ACLY: variants seen among roughly 807,000 people sequenced by gnomAD.
ACLY encodes the protein ATP-citrate synthase.
Under a neutral mutation model 133.0 loss-of-function variants are expected in ACLY, and 41 were observed. The observed-to-expected ratio is 0.31, with a 90% CI of 0.24 to 0.40. The LOEUF is 0.40. ACLY is among the 10% of genes least tolerant of loss of function. The pLI, the probability that ACLY is intolerant of heterozygous loss-of-function variation, is 1.00. For missense variants in ACLY, 1,046 were observed against 1,453.8 expected (o/e 0.72, Z 4.56); for synonymous variants, 495 against 549.3 (o/e 0.90, Z 1.38).
At chr17:41,909,197 T>C in intron 5 of ACLY, 129 bp from the exon 6 acceptor site, 1 of 745,212 alleles carries the variant, frequency 1.3e-6, no homozygotes, top group Non-Finnish European at 2.3e-6. Flanking sequence ...CACTGGCCCT[T>C]CCATCTCCTC....
rs782692566 is a variant in ACLY, at chr17:41,867,796, G to C, written c.*14C>G. On this transcript the variant is annotated 3_prime_UTR_variant, in exon 29 of 29. Transcript: ENST00000352035. ...TCTTGTCTTCAGTTTACTGCAGTAG[G>C]GTTCCTGGCTCTGTTACATGCTCAT... 1 of 1,596,462 alleles carries C rather than the reference G, an allele frequency of 6.3e-7. No homozygotes were observed. The highest frequency in any genetic ancestry group is 8.6e-7 in the Non-Finnish European group (1 of 1,169,486).
chr17:41,884,672 G>A (rs1291588298), intron 18 of ACLY, among the ~76,000 whole-genome samples: 3 of 152,118 alleles, frequency 2.0e-5, no homozygotes, highest in African/African-American at 7.2e-5. Flanking sequence ...ATCACCTGAG[G>A]TCAGGAGTTC....
intron 23 of ACLY, among the ~76,000 whole-genome samples, chr17:41,872,814 C>T (rs2144207519): frequency 6.6e-6 from 1 of 152,252 alleles, no homozygotes; most frequent in Admixed American, 6.5e-5. Flanking sequence ...TGCCTCATTC[C>T]TGTAGTATTC....
chr17:41,900,955 C>T (rs1555631491), intron 11 of ACLY, among the ~76,000 whole-genome samples: 2 of 151,586 alleles, frequency 1.3e-5, no homozygotes, highest in African/African-American at 4.9e-5. Context: ...GTTTTCTTTT[C>T]TTTCTTCTTT....
chr17:41,914,662 AT>A (rs1364395447), intron 1 of ACLY, among the ~76,000 whole-genome samples: 2 of 152,196 alleles, frequency 1.3e-5, no homozygotes, highest in East Asian at 3.8e-4. Flanking sequence ...CCAGCTGCTA[AT>A]TTAGAGCAAA....
intron 1 of ACLY, among the ~76,000 whole-genome samples, chr17:41,916,507 G>C (rs982826859): frequency 1.3e-5 from 2 of 150,832 alleles, no homozygotes; most frequent in Non-Finnish European, 2.9e-5. Flanking sequence ...CTGAGTAGCT[G>C]GGATTACAGA....
chr17:41,873,803 A>C lies in ACLY; in HGVS notation c.2642+8T>G, dbSNP rs967928056. ...AGGGCCCTGTAATCTTCTGCCCTCC[A>C]TGCTCACCTTTTCTGGAACCAGAGG... is the stretch of plus-strand genomic sequence containing the variant. On this transcript the variant is annotated splice_region_variant and intron_variant, in intron 23 of 28. Transcript: ENST00000352035. 4 of 1,553,500 alleles carry C rather than the reference A, an allele frequency of 2.6e-6. No individual in the cohort carries two copies. Among genetic ancestry groups the C allele is most frequent in the Non-Finnish European group, 2.6e-6 (3 of 1,143,952 alleles).
intron 1 of ACLY, among the ~76,000 whole-genome samples, chr17:41,916,053 C>A (rs570836896): frequency 6.6e-6 from 1 of 152,284 alleles, no homozygotes; most frequent in African/African-American, 2.4e-5. Flanking sequence ...TGGACCCCTG[C>A]AGCTGAGAAA....
chr17:41,870,497 A>G (rs553930148), intron 25 of ACLY: 29 of 152,346 alleles, frequency 1.9e-4, no homozygotes, highest in African/African-American at 7.0e-4. Flanking sequence ...CACCTAGGCC[A>G]GTGGAGTGAC....
At chr17:41,920,333 C>T (rs2050161963), upstream of ACLY, among the ~76,000 whole-genome samples, 2 of 152,188 alleles carry the variant, frequency 1.3e-5, no homozygotes, top group Admixed American at 1.3e-4. Flanking sequence ...GTCTTGGTGG[C>T]TCACACCTGT....
At chr17:41,910,088 A>T in intron 4 of ACLY, 134 bp downstream of exon 4, 2 of 867,828 alleles carry the variant, frequency 2.3e-6, no homozygotes, top group Non-Finnish European at 1.8e-6. Flanking sequence ...GCACCCTCAG[A>T]TCCTCAGTGC....
chr17:41,867,765 A>C lies in ACLY; in HGVS notation c.*45T>G, dbSNP rs368645413. 3.4e-6 allele frequency: 5 copies of C among 1,485,134 alleles called. No homozygotes were observed. In the African/African-American group the frequency reaches 7.0e-5, roughly 21 times the overall value. 92.0% of individuals were successfully genotyped at this position (1,485,134 alleles called of 1,614,324 possible). A position where few individuals can be genotyped will look rare whatever the true frequency, so the allele number is the denominator to read the frequency against. On this transcript the variant is annotated 3_prime_UTR_variant, in exon 29 of 29. Coordinates refer to ENST00000352035, the MANE Select transcript of ACLY (RefSeq NM_001096.3). ...CTGTCTGTACACTTTTTCTTGGGGGAAGAGATCTTGTCTTCAGTTTACTGC... is the reference window on the plus strand; with the variant it reads ...CTGTCTGTACACTTTTTCTTGGGGGCAGAGATCTTGTCTTCAGTTTACTGC...
chr17:41,912,324 C>T, intron 3 of ACLY, 96 bp downstream of exon 3: 1 of 1,501,722 alleles, frequency 6.7e-7, no homozygotes, highest in Non-Finnish European at 9.0e-7. Flanking sequence ...TACAATGAGA[C>T]TGGCTGTGGG....
At chr17:41,893,514 A>G (rs2049275514) in intron 14 of ACLY, among the ~76,000 whole-genome samples, 1 of 152,226 alleles carries the variant, frequency 6.6e-6, no homozygotes, top group South Asian at 2.1e-4. Flanking sequence ...GTGTGTCATC[A>G]GCTTATATGC....
exon 1 of ACLY, chr17:41,930,537 G>A (rs566095638): frequency 5.4e-6 from 3 of 556,038 alleles, no homozygotes; most frequent in Admixed American, 3.1e-5. Flanking sequence ...CCCAGTGCGC[G>A]GCAGAACTGG....
At chr17:41,927,821 A>G (rs547595373) in intron 1 of ACLY, among the ~76,000 whole-genome samples, 8 of 147,928 alleles carry the variant, frequency 5.4e-5, no homozygotes, top group African/African-American at 1.0e-4. Flanking sequence ...GTGAGACTCC[A>G]TCTCAAAAAA....
rs781834702 is a variant in ACLY at position 41,912,478 on chromosome 17, T to C, written c.224A>G (p.Asn75Ser). The C allele has an allele frequency of 1.3e-5, 21 of 1,614,108 alleles. No homozygotes were observed. Among genetic ancestry groups the C allele is most frequent in the Middle Eastern group, 1.6e-4 (1 of 6,084 alleles). The change falls in exon 3 of 29, where the codon AAC becomes AGC. Residue 75 changes from asparagine (N) to serine (S), a missense_variant. Coordinates refer to ENST00000352035, the MANE Select transcript of ACLY (RefSeq NM_001096.3). ...GGACTTGACCCCATCCAGAGTGAGG[T>C]TGACCCCAACGAGACCAAGTTTTCC... ...RRGKLGLVGV[N>S]LTLDGVKSWL...
At chr17:41,919,120 G>A, upstream of ACLY, 1 of 1,142,752 alleles carries the variant, frequency 8.8e-7, no homozygotes, top group Non-Finnish European at 1.1e-6. Flanking sequence ...CCACGAGGGC[G>A]GGCCCCGGGG....
chr17:41,901,722 TC>T lies in ACLY; in HGVS notation c.1156del (p.Glu386ArgfsTer5). 1 of 1,611,016 alleles carries T rather than the reference TC, an allele frequency of 6.2e-7. No individual in the cohort carries two copies. The highest frequency in any genetic ancestry group is 8.5e-7 in the Non-Finnish European group (1 of 1,178,260). ...FVRRGGPNYQEGLRVMGEVGK... is the reference protein window; with the variant it reads ...FVRRGGPNYQXGLRVMGEVGK... Reference sequence around the variant, plus strand: ...GACTTCTCCCATCACCCGTAAGCCCTCCTGATAGTTGGGGCCACCTCTTCGG... The same window carrying T: ...GACTTCTCCCATCACCCGTAAGCCCTCTGATAGTTGGGGCCACCTCTTCGG... On this transcript the variant is annotated frameshift_variant, in exon 11 of 29. Transcript: ENST00000352035. LOFTEE classifies it high-confidence loss of function.
Sources: allele counts gnomAD v4.1 joint callset (sites outside exome capture counted in the v4.1 genomes callset), GRCh38; gene constraint gnomAD v4.1.1; transcripts MANE v1.5; gene names NCBI Gene and HGNC (gene_info 2026-07-23, HGNC 2026-07-21).